KATNIP: variants seen among roughly 807,000 people sequenced by gnomAD.
KATNIP encodes the protein katanin interacting protein.
Under a neutral mutation model 174.0 loss-of-function variants are expected in KATNIP, and 126 were observed. That is an observed-to-expected ratio of 0.72 (90% CI 0.63 to 0.84). The LOEUF is 0.84. Ranked by LOEUF, KATNIP falls within the 40% of genes least tolerant of loss-of-function variation. The probability of loss-of-function intolerance (pLI) is 0.00; values close to 1 mark genes in which losing one functional copy is unlikely to be tolerated. For missense variants in KATNIP, 1,958 were observed against 2,109.7 expected (o/e 0.93, Z 1.41); for synonymous variants, 810 against 835.7 (o/e 0.97, Z 0.53).
chr16:27,642,125 C>A (rs1053787096), intron 5 of KATNIP, among the ~76,000 whole-genome samples: 1 of 152,204 alleles, frequency 6.6e-6, no homozygotes, highest in Non-Finnish European at 1.5e-5. Flanking sequence ...TTGGGACCAA[C>A]ACAGATGTCC....
chr16:27,778,952 A>C lies in KATNIP; in HGVS notation c.*323A>C, dbSNP rs113705165. The stretch of plus-strand genomic sequence containing the variant: ...GGGCCTGGGCTGACCCTGACTCAGA[A>C]CAGGACAATGACGGGGTGGGGAGGC... On this transcript the variant is annotated 3_prime_UTR_variant, in exon 28 of 28. Transcript: ENST00000261588. 645 of 295,612 alleles carry C rather than the reference A, an allele frequency of 2.2e-3. 8 individuals are homozygous for C. Among genetic ancestry groups the C allele is most frequent in the African/African-American group, 0.011 (506 of 46,340 alleles). The allele number at this position is 295,612 out of a possible 1,614,324, so 18.3% of individuals were successfully genotyped here. A position where few individuals can be genotyped will look rare whatever the true frequency, so the allele number is the denominator to read the frequency against.
At chr16:27,711,132 G>A (rs940449240) in intron 13 of KATNIP, among the ~76,000 whole-genome samples, 8 of 152,182 alleles carry the variant, frequency 5.3e-5, no homozygotes, top group Non-Finnish European at 2.9e-5. Context: ...TCACTGCCAC[G>A]CAGGCCAGGA....
rs1002314021 is a variant in KATNIP at position 27,778,730 on chromosome 16, C to T, written c.*101C>T. 2.2e-5 allele frequency: 27 copies of T among 1,237,344 alleles called. No individual in the cohort carries two copies. Among genetic ancestry groups the T allele is most frequent in the African/African-American group, 9.0e-5 (6 of 66,468 alleles). The allele number at this position is 1,237,344 out of a possible 1,614,324, so 76.6% of individuals were successfully genotyped here. A position where few individuals can be genotyped will look rare whatever the true frequency, so the allele number is the denominator to read the frequency against. On this transcript the variant is annotated 3_prime_UTR_variant, in exon 28 of 28. Coordinates refer to ENST00000261588, the MANE Select transcript of KATNIP (RefSeq NM_015202.5). Reference sequence around the variant, plus strand: ...CACCCTCAGTCCCAGGAGCTGGAAGCGAACCACAGTGTTGAGGGGAGCCCG... The same window carrying T: ...CACCCTCAGTCCCAGGAGCTGGAAGTGAACCACAGTGTTGAGGGGAGCCCG...
chr16:27,565,782 TA>T (rs1057141079), intron 1 of KATNIP, among the ~76,000 whole-genome samples: 1 of 117,662 alleles, frequency 8.5e-6, no homozygotes, highest in Non-Finnish European at 1.8e-5. Flanking sequence ...AGATGTCTCA[TA>T]AAAAAAACAA....
chr16:27,629,531 T>C lies in KATNIP; in HGVS notation c.310+701T>C, dbSNP rs565336465. On this transcript the variant is annotated intron_variant, in intron 4 of 27. Coordinates refer to ENST00000261588, the MANE Select transcript of KATNIP (RefSeq NM_015202.5). ...TAGTTAATCTATACTGTGCATACTT[T>C]AAATGGATTTCACGTGCCCTATAAG... is the stretch of plus-strand genomic sequence containing the variant. Among the ~76,000 whole-genome samples, 4 of 152,340 alleles carry C rather than the reference T, an allele frequency of 2.6e-5. No individual in the cohort carries two copies. In the East Asian group the frequency reaches 5.8e-4, roughly 22 times the overall value.
At chr16:27,632,701 G>T in intron 5 of KATNIP, 1 of 448,718 alleles carries the variant, frequency 2.2e-6, no homozygotes, top group Non-Finnish European at 4.5e-6. Flanking sequence ...GCAGCAGGCT[G>T]TTGGTTGATA....
At chr16:27,697,801 CAT>C (rs991440554) in intron 8 of KATNIP, among the ~76,000 whole-genome samples, 4 of 151,822 alleles carry the variant, frequency 2.6e-5, no homozygotes, top group Non-Finnish European at 5.9e-5. Context: ...TGTGCATGTG[CAT>C]ATGTGTGTGT....
chr16:27,594,045 G>A (rs2075260404), intron 2 of KATNIP, among the ~76,000 whole-genome samples: 1 of 151,540 alleles, frequency 6.6e-6, no homozygotes, highest in African/African-American at 2.4e-5. Flanking sequence ...AGAAACCAGG[G>A]CTTGCTCAAG....
chr16:27,559,735 C>T (rs2089781100), intron 1 of KATNIP, among the ~76,000 whole-genome samples: 1 of 150,488 alleles, frequency 6.6e-6, no homozygotes, highest in South Asian at 2.1e-4. Flanking sequence ...AATCTCAGCA[C>T]TTTGGGAGGC....
At chr16:27,710,232 C>T (rs2079512201) in intron 13 of KATNIP, among the ~76,000 whole-genome samples, 1 of 152,128 alleles carries the variant, frequency 6.6e-6, no homozygotes, top group Non-Finnish European at 1.5e-5. Context: ...TTGGGGCACA[C>T]ACCTGTAGTC....
At chr16:27,722,965 G>A (rs2080299949) in intron 14 of KATNIP, among the ~76,000 whole-genome samples, 1 of 152,180 alleles carries the variant, frequency 6.6e-6, no homozygotes, top group South Asian at 2.1e-4. Context: ...GTGGAGTGTG[G>A]AGAAAGGAGC....
chr16:27,729,195 A>AT (rs774925036), intron 14 of KATNIP, among the ~76,000 whole-genome samples: 2 of 152,168 alleles, frequency 1.3e-5, no homozygotes, highest in Non-Finnish European at 2.9e-5. Context: ...AGGAGTTCAC[A>AT]TGATGTCATC....
intron 5 of KATNIP, among the ~76,000 whole-genome samples, chr16:27,645,691 C>G (rs2076937960): frequency 6.6e-6 from 1 of 152,206 alleles, no homozygotes; most frequent in South Asian, 2.1e-4. Flanking sequence ...CTTTCTTCCT[C>G]ATTCTCACAA....
chr16:27,761,293 T>C (rs988741754), intron 18 of KATNIP, 120 bp from the exon 19 acceptor site: 1 of 1,039,522 alleles, frequency 9.6e-7, no homozygotes, highest in African/African-American at 1.6e-5. Context: ...CAAGGCACTT[T>C]GGGTCTGGGT....
chr16:27,673,131 G>A (rs1189517429), intron 6 of KATNIP, among the ~76,000 whole-genome samples: 1 of 152,184 alleles, frequency 6.6e-6, no homozygotes, highest in African/African-American at 2.4e-5. Flanking sequence ...AGAATTGGGA[G>A]TTGGGCCAAG....
At chr16:27,726,689 A>G (rs2080464718) in intron 14 of KATNIP, among the ~76,000 whole-genome samples, 1 of 152,226 alleles carries the variant, frequency 6.6e-6, no homozygotes, top group Non-Finnish European at 1.5e-5. Flanking sequence ...CGAGGGCCAC[A>G]GGGAGGAGGA....
At chr16:27,766,287 C>A (rs371236721) in intron 19 of KATNIP, 22 bp from the exon 20 acceptor site, 7 of 1,611,720 alleles carry the variant, frequency 4.3e-6, no homozygotes, top group Non-Finnish European at 1.7e-6. Flanking sequence ...GCCCCCCTGC[C>A]GCTCCGTCCC....
chr16:27,690,315 CAGATAGATAGATAGATAGATAGATAGAT>C (rs3056270), intron 8 of KATNIP, among the ~76,000 whole-genome samples: 1 of 128,656 alleles, frequency 7.8e-6, no homozygotes, highest in Admixed American at 8.3e-5. Flanking sequence ...GACCCCATCT[CAGATAGATAGATAGATAGATAGATAGAT>C]AGATAGATAG....
chr16:27,595,366 T>C (rs1045697896), intron 2 of KATNIP, among the ~76,000 whole-genome samples: 5 of 152,036 alleles, frequency 3.3e-5, no homozygotes, highest in Admixed American at 6.5e-5. Context: ...TCCAGGGCAA[T>C]AGAGTGAGAC....
Sources: gnomAD v4.1 joint callset for allele counts (sites outside exome capture counted in the v4.1 genomes callset) on GRCh38, gnomAD v4.1.1 for gene constraint, MANE v1.5 for transcripts, NCBI Gene and HGNC (gene_info 2026-07-23, HGNC 2026-07-21) for gene names.